Variants in GSG1L observed in about 807,000 individuals in gnomAD.
GSG1L encodes germ cell-specific gene 1-like protein.
GSG1L carries 24 observed loss-of-function variants against 42.1 expected under a neutral mutation model. The ratio of observed to expected loss-of-function variants is 0.57; its 90% CI spans 0.41 to 0.80. The LOEUF is 0.80. Among genes scored for constraint, GSG1L ranks in the 30% least tolerant of loss-of-function variants. The pLI, the probability that GSG1L is intolerant of heterozygous loss-of-function variation, is 0.00. For missense variants in GSG1L, 445 were observed against 472.2 expected, an observed-to-expected ratio of 0.94 and a Z score of 0.53; for synonymous variants, 215 against 203.5, an observed-to-expected ratio of 1.06 and a Z score of -0.48.
chr16:27,817,861 A>T (rs2083113836), intron 5 of GSG1L, among the ~76,000 whole-genome samples: 1 of 152,122 alleles, frequency 6.6e-6, no homozygotes, highest in Admixed American at 6.5e-5. Flanking sequence ...TTTGAGTAGC[A>T]CTGTTCTGTA....
At position 28,063,196 on chromosome 16, in the gene GSG1L, A is replaced by AGGCGGTGGC. The variant is rs1555518119; in HGVS notation, c.220_228dup (p.Ala74_Ala76dup). 43 of 1,295,170 alleles carry AGGCGGTGGC rather than the reference A, an allele frequency of 3.3e-5. No homozygotes were observed. The East Asian group carries it at 4.1e-4, about 12-fold the overall frequency. 80.2% of individuals were successfully genotyped at this position (1,295,170 alleles called of 1,614,324 possible). ...GCGCCGCCAGGGGGGCCGTTCCCCG[A>AGGCGGTGGC]GGCGGTGGCGGCGGCGGCGGCGGCG... On this transcript the variant is annotated inframe_insertion, in exon 1 of 7. Coordinates refer to ENST00000447459, the MANE Select transcript of GSG1L (RefSeq NM_001109763.2). This position sits in a 1 kb window ranked among gnomAD's most constrained non-coding sequence, Gnocchi z 5.8.
At chr16:27,887,803 CT>C (rs947555865) in intron 2 of GSG1L, among the ~76,000 whole-genome samples, 3 of 151,266 alleles carry the variant, frequency 2.0e-5, no homozygotes, top group Non-Finnish European at 3.0e-5. Flanking sequence ...CTTTTCTTTT[CT>C]TTTTTTTTCT....
rs150870669 is a variant in GSG1L at position 27,807,741 on chromosome 16, C to A, written c.831-187G>T. Among the ~76,000 whole-genome samples the A allele has an allele frequency of 1.7e-3, 259 of 152,212 alleles. 1 individual carries two copies. The highest frequency in any genetic ancestry group is 5.8e-3 in the African/African-American group (241 of 41,512). On this transcript the variant is annotated intron_variant, in intron 5 of 6. Coordinates refer to ENST00000447459, the MANE Select transcript of GSG1L (RefSeq NM_001109763.2). Reference sequence around the variant, plus strand: ...TGAGATGGGCATCATTATTCCCATTCTACTAATGAAGAAACTGAGGCTTTT... The same window carrying A: ...TGAGATGGGCATCATTATTCCCATTATACTAATGAAGAAACTGAGGCTTTT...
At position 27,869,832 on chromosome 16, in the gene GSG1L, CCTCCATCTCTCT is replaced by C. The variant is rs1417766275; in HGVS notation, c.550+14642_550+14653del. On this transcript the variant is annotated intron_variant, in intron 3 of 6. Coordinates refer to ENST00000447459, the MANE Select transcript of GSG1L (RefSeq NM_001109763.2). ...CCCTCCATCTCTCTCTCTCTGTCTC[CCTCCATCTCTCT>C]CTCCATCTCTCTCTGTCTCTGTCTC... 7.1e-5 allele frequency among the ~76,000 whole-genome samples: 8 copies of C among 112,562 alleles called. No individual in the cohort carries two copies. The East Asian group carries it at 2.4e-3, about 34-fold the overall frequency. The allele number at this position is 112,562 out of a possible 152,430, so 73.8% of individuals were successfully genotyped here.
intron 1 of GSG1L, among the ~76,000 whole-genome samples, chr16:28,029,168 A>G (rs761286193): frequency 5.3e-5 from 8 of 152,194 alleles, no homozygotes; most frequent in Non-Finnish European, 1.0e-4. Context: ...CATCTGAGAA[A>G]CAGAGATAAG....
Position 27,790,045 on chromosome 16 carries a change from A to T in GSG1L, c.*1325T>A, listed in dbSNP as rs2082735082. 1 of 151,526 alleles carries T rather than the reference A, an allele frequency of 6.6e-6. No homozygotes were observed. Among genetic ancestry groups the T allele is most frequent in the African/African-American group, 2.4e-5 (1 of 41,174 alleles). 9.4% of individuals were successfully genotyped at this position (151,526 alleles called of 1,614,324 possible). ...TGATGGATAGCTGATGAATGAGTGG[A>T]TGGATGGCAAATGGATGGATGAATG... On this transcript the variant is annotated 3_prime_UTR_variant, in exon 7 of 7. Coordinates refer to ENST00000447459, the MANE Select transcript of GSG1L (RefSeq NM_001109763.2).
chr16:27,842,565 C>G (rs2083398063), intron 4 of GSG1L, among the ~76,000 whole-genome samples: 1 of 152,128 alleles, frequency 6.6e-6, no homozygotes, highest in Non-Finnish European at 1.5e-5. Context: ...GGGAGAAGAT[C>G]TTCCAAGTTC....
At chr16:27,803,452 C>T (rs1422841502) in intron 6 of GSG1L, among the ~76,000 whole-genome samples, 1 of 152,088 alleles carries the variant, frequency 6.6e-6, no homozygotes, top group Non-Finnish European at 1.5e-5. Flanking sequence ...TTTGACTGGT[C>T]GCCTTTGTCT....
chr16:27,977,466 A>G lies in GSG1L; in HGVS notation c.350-14263T>C, dbSNP rs1371829777. On this transcript the variant is annotated intron_variant, in intron 1 of 6. Transcript: ENST00000447459. Reference sequence around the variant, plus strand: ...GTGCACCTGTAGTCGAGGCTGAGGCACAAGAATCGCTGAAACCTGGGAGGC... The same window carrying G: ...GTGCACCTGTAGTCGAGGCTGAGGCGCAAGAATCGCTGAAACCTGGGAGGC... Among the ~76,000 whole-genome samples the G allele has an allele frequency of 2.7e-5, 4 of 150,896 alleles. No individual in the cohort carries two copies. The East Asian group carries it at 7.9e-4, about 30-fold the overall frequency.
chr16:27,938,141 G>A (rs1320295237), intron 2 of GSG1L, among the ~76,000 whole-genome samples: 2 of 152,146 alleles, frequency 1.3e-5, no homozygotes, highest in African/African-American at 4.8e-5. Flanking sequence ...CGCCCCTTGG[G>A]GCTGTGGTCA....
At chr16:28,015,038 T>C (rs2085764795) in intron 1 of GSG1L, among the ~76,000 whole-genome samples, 1 of 152,160 alleles carries the variant, frequency 6.6e-6, no homozygotes. Flanking sequence ...AGTCCACTGT[T>C]GAAGCTTTTG....
chr16:27,889,873 T>G (rs1306001548), intron 2 of GSG1L, among the ~76,000 whole-genome samples: 3 of 152,256 alleles, frequency 2.0e-5, no homozygotes, highest in Non-Finnish European at 4.4e-5. Context: ...CAAAAATTTA[T>G]GTGGATTATA....
At chr16:28,048,819 A>G (rs1349435734) in intron 1 of GSG1L, among the ~76,000 whole-genome samples, 1 of 152,220 alleles carries the variant, frequency 6.6e-6, no homozygotes, top group African/African-American at 2.4e-5. Context: ...AAAACTTGCA[A>G]ACATTAACAA....
intron 2 of GSG1L, among the ~76,000 whole-genome samples, chr16:27,921,760 C>T (rs2084527203): frequency 6.6e-6 from 1 of 152,126 alleles, no homozygotes; most frequent in African/African-American, 2.4e-5. Flanking sequence ...CTTTTCCAGG[C>T]TCTTGTTTTA....
At chr16:28,062,554 G>A (rs956156946) in intron 1 of GSG1L, among the ~76,000 whole-genome samples, 3 of 152,190 alleles carry the variant, frequency 2.0e-5, no homozygotes, top group Admixed American at 6.5e-5. Context: ...CCGTCTGGGA[G>A]GTTCGGCGTG....
At chr16:27,807,402 C>A in intron 6 of GSG1L, 85 bp downstream of exon 6, 2 of 1,107,396 alleles carry the variant, frequency 1.8e-6, no homozygotes, top group Non-Finnish European at 1.3e-6. Context: ...GGGGTGGGGG[C>A]TGGCCTGACT....
intron 6 of GSG1L, among the ~76,000 whole-genome samples, chr16:27,794,254 G>A (rs1021031828): frequency 1.1e-4 from 17 of 152,164 alleles, no homozygotes; most frequent in African/African-American, 3.9e-4. Context: ...CTGACCTCAG[G>A]TTATCTTCCC....
intron 2 of GSG1L, among the ~76,000 whole-genome samples, chr16:27,889,079 G>C (rs1217203172): frequency 6.6e-6 from 1 of 151,978 alleles, no homozygotes; most frequent in African/African-American, 2.4e-5. Context: ...TAACTCCTGG[G>C]CTCAGGCCAT....
chr16:27,829,081 C>G, intron 4 of GSG1L, 125 bp from the exon 5 acceptor site: 1 of 848,210 alleles, frequency 1.2e-6, no homozygotes, highest in Non-Finnish European at 1.8e-6. Context: ...TAAGCAGTTA[C>G]TGCCACAGAG....
Sources: allele counts gnomAD v4.1 joint callset (sites outside exome capture counted in the v4.1 genomes callset), GRCh38; gene constraint gnomAD v4.1.1; non-coding constraint Gnocchi (gnomAD v3.1); transcripts MANE v1.5; gene names NCBI Gene and HGNC (gene_info 2026-07-23, HGNC 2026-07-21).